The following PEBP4 variants were observed in gnomAD, a reference collection of about 807,000 sequenced individuals.
The protein encoded by PEBP4 is phosphatidylethanolamine binding protein 4.
In PEBP4, 22 loss-of-function variants were observed where a neutral mutation model predicts 23.9. That is an observed-to-expected ratio of 0.92 (90% CI 0.66 to 1.31). The LOEUF is 1.31. Among genes scored for constraint, PEBP4 ranks in the 40% most tolerant of loss-of-function variants. The pLI, the probability that PEBP4 is intolerant of heterozygous loss-of-function variation, is 0.00. For synonymous variants in PEBP4, 112 were observed against 99.3 expected, an observed-to-expected ratio of 1.13 and a Z score of -0.76; for missense variants, 324 against 281.7, an observed-to-expected ratio of 1.15 and a Z score of -1.07.
intron 3 of PEBP4, among the ~76,000 whole-genome samples, chr8:22,848,171 G>A (rs552327814): frequency 1.3e-5 from 2 of 152,106 alleles, no homozygotes; most frequent in East Asian, 3.9e-4. Context: ...GAATATCTAT[G>A]GTGCTATTAA....
rs536993520 is a variant in PEBP4 at position 22,898,391 on chromosome 8, C to CAAAAAAAAAAAAAAAAAAA, written c.258+21774_258+21792dup. Among the ~76,000 whole-genome samples, 5 of 7,960 alleles carry CAAAAAAAAAAAAAAAAAAA rather than the reference C, an allele frequency of 6.3e-4. 2 individuals carry two copies. Among genetic ancestry groups the CAAAAAAAAAAAAAAAAAAA allele is most frequent in the East Asian group, 6.3e-3 (2 of 316 alleles). The allele number at this position is 7,960 out of a possible 152,430, so 5.2% of individuals were successfully genotyped here. On this transcript the variant is annotated intron_variant, in intron 3 of 6. Coordinates refer to ENST00000256404, the MANE Select transcript of PEBP4 (RefSeq NM_144962.3). ...TGAGCGACAGAGGAAGACTCCACCC[C>CAAAAAAAAAAAAAAAAAAA]AAAAAAAAAAAAAAAAAAAAAAAAA...
At chr8:22,852,405 C>T (rs1165849320) in intron 3 of PEBP4, among the ~76,000 whole-genome samples, 1 of 152,160 alleles carries the variant, frequency 6.6e-6, no homozygotes. Flanking sequence ...ACCCTCCCAT[C>T]TTCAACGACC....
chr8:22,729,760 C>T (rs1032243293), intron 4 of PEBP4, among the ~76,000 whole-genome samples: 7 of 152,318 alleles, frequency 4.6e-5, no homozygotes, highest in African/African-American at 1.7e-4. Flanking sequence ...GGTGCTGGTC[C>T]TCACTGGCAG....
chr8:22,894,171 C>T (rs922375576), intron 3 of PEBP4, among the ~76,000 whole-genome samples: 2 of 149,028 alleles, frequency 1.3e-5, no homozygotes, highest in Non-Finnish European at 3.0e-5. Flanking sequence ...CGGAATTGCA[C>T]GATAGATTAT....
intron 3 of PEBP4, among the ~76,000 whole-genome samples, chr8:22,840,468 T>C (rs1004554870): frequency 1.3e-5 from 2 of 151,822 alleles, no homozygotes; most frequent in African/African-American, 4.8e-5. Context: ...CTGCAACTCC[T>C]TGGGCCCAAG....
chr8:22,913,473 C>T (rs1406502862), intron 3 of PEBP4, among the ~76,000 whole-genome samples: 2 of 152,146 alleles, frequency 1.3e-5, no homozygotes, highest in Non-Finnish European at 1.5e-5. Context: ...ATTGCCTCTT[C>T]CCCCTGCAGT....
chr8:22,931,281 A>G (rs989281284), upstream of PEBP4, among the ~76,000 whole-genome samples: 27 of 152,190 alleles, frequency 1.8e-4, no homozygotes, highest in Admixed American at 6.5e-5. Context: ...AATATATATA[A>G]TCCAGTGAGT....
intron 4 of PEBP4, among the ~76,000 whole-genome samples, chr8:22,782,573 A>G (rs981276893): frequency 1.3e-5 from 2 of 152,246 alleles, no homozygotes; most frequent in African/African-American, 2.4e-5. Flanking sequence ...TAAGAAAAAA[A>G]TCGCTTAGAA....
intron 3 of PEBP4, among the ~76,000 whole-genome samples, chr8:22,872,486 C>T (rs1419940550): frequency 6.6e-6 from 1 of 152,166 alleles, no homozygotes; most frequent in African/African-American, 2.4e-5. Flanking sequence ...TTGCCAGGGC[C>T]ATGTGTGCCT....
chr8:22,724,786 G>T, intron 6 of PEBP4, 57 bp downstream of exon 6: 2 of 1,378,108 alleles, frequency 1.5e-6, no homozygotes, highest in Admixed American at 1.7e-5. Context: ...TGCCTGAAGC[G>T]TTTGTTCCAC....
intron 4 of PEBP4, among the ~76,000 whole-genome samples, chr8:22,740,757 T>C (rs1804972189): frequency 6.6e-6 from 1 of 152,076 alleles, no homozygotes; most frequent in African/African-American, 2.4e-5. Flanking sequence ...ACAGGTTGGG[T>C]TCCTGGGTGT....
rs561643406 is a variant in PEBP4, at chr8:22,853,466, T to A, written c.259-35731A>T. Among the ~76,000 whole-genome samples the A allele has an allele frequency of 9.2e-5, 14 of 152,338 alleles. No homozygotes were observed. The South Asian group carries it at 2.9e-3, about 32-fold the overall frequency. ...CTTACATTTATTTAAAGTTTTAAAA[T>A]TTTCAAGCTGCTTAATATCTATTAG... On this transcript the variant is annotated intron_variant, in intron 3 of 6. Coordinates refer to ENST00000256404, the MANE Select transcript of PEBP4 (RefSeq NM_144962.3).
At chr8:22,749,893 G>GCCT (rs1203813910) in intron 4 of PEBP4, among the ~76,000 whole-genome samples, 1 of 142,974 alleles carries the variant, frequency 7.0e-6, no homozygotes, top group Non-Finnish European at 1.5e-5. Flanking sequence ...TGGAACCTCT[G>GCCT]CCTCCTAGGT....
chr8:22,883,904 A>T (rs1411951009), intron 3 of PEBP4: 1 of 152,176 alleles, frequency 6.6e-6, no homozygotes, highest in African/African-American at 2.4e-5. Context: ...GGGGATACAA[A>T]AAAAAGGGGG....
At chr8:22,805,406 A>G (rs1345382874) in intron 4 of PEBP4, among the ~76,000 whole-genome samples, 1 of 144,266 alleles carries the variant, frequency 6.9e-6, no homozygotes, top group Non-Finnish European at 1.5e-5. Flanking sequence ...GGCTCACCAC[A>G]ACCTCCGTCT....
intron 3 of PEBP4, among the ~76,000 whole-genome samples, chr8:22,872,120 T>C (rs1808018387): frequency 1.3e-5 from 2 of 152,378 alleles, no homozygotes; most frequent in South Asian, 2.1e-4. Context: ...TTCCTTTTCA[T>C]GGCTGGGTAG....
intron 3 of PEBP4, among the ~76,000 whole-genome samples, chr8:22,916,569 T>C (rs554434404): frequency 1.3e-5 from 2 of 152,284 alleles, no homozygotes; most frequent in Middle Eastern, 6.8e-3. Context: ...CAGCTTTCCT[T>C]CAACAGATGC....
At chr8:22,939,943 T>C (rs1043577147) in intron 1 of PEBP4, among the ~76,000 whole-genome samples, 1 of 152,228 alleles carries the variant, frequency 6.6e-6, no homozygotes, top group Admixed American at 6.5e-5. Context: ...CATTAACAGA[T>C]GCACATTGCA....
At chr8:22,788,012 A>G in intron 4 of PEBP4, among the ~76,000 whole-genome samples, 1 of 151,948 alleles carries the variant, frequency 6.6e-6, no homozygotes, top group African/African-American at 2.4e-5. Flanking sequence ...ACAGGCTTGG[A>G]GCTCTGGCAG....
Sources: allele counts gnomAD v4.1 joint callset (sites outside exome capture counted in the v4.1 genomes callset), GRCh38; gene constraint gnomAD v4.1.1; transcripts MANE v1.5; gene names NCBI Gene and HGNC (gene_info 2026-07-23, HGNC 2026-07-21).